The following SH3D19 variants were observed in gnomAD, a reference collection of about 807,000 sequenced individuals.
The protein encoded by SH3D19 is SH3 domain-containing protein 19.
Under a neutral mutation model 112.1 loss-of-function variants are expected in SH3D19, and 58 were observed. That is an observed-to-expected ratio of 0.52 (90% CI 0.42 to 0.64). The LOEUF is 0.64. Ranked by LOEUF, SH3D19 falls within the 30% of genes least tolerant of loss-of-function variation. SH3D19 has a pLI of 0.00. For missense variants in SH3D19, 1,090 were observed against 1,263.4 expected, an observed-to-expected ratio of 0.86 and a Z score of 2.08; for synonymous variants, 391 against 448.5, an observed-to-expected ratio of 0.87 and a Z score of 1.62.
Position 151,121,960 on chromosome 4 carries a change from A to C in SH3D19, c.*131T>G, listed in dbSNP as rs78338147. On this transcript the variant is annotated 3_prime_UTR_variant, in exon 20 of 20. Transcript: ENST00000604030. Reference sequence around the variant, plus strand: ...ATCTGAACGTTTTCTGCTTTCAGAAAATTCTAGTGTACCATGTACAGCTTA... The same window carrying C: ...ATCTGAACGTTTTCTGCTTTCAGAACATTCTAGTGTACCATGTACAGCTTA... The C allele has an allele frequency of 2.3e-3, 1,296 of 555,374 alleles. 9 individuals carry two copies. Among genetic ancestry groups the C allele is most frequent in the African/African-American group, 0.023 (1,218 of 52,266 alleles). The allele number at this position is 555,374 out of a possible 1,614,324, so 34.4% of individuals were successfully genotyped here. A position where few individuals can be genotyped will look rare whatever the true frequency, so the allele number is the denominator to read the frequency against.
At chr4:151,234,714 T>C (rs1441478516) in intron 1 of SH3D19, among the ~76,000 whole-genome samples, 1 of 151,314 alleles carries the variant, frequency 6.6e-6, no homozygotes, top group East Asian at 1.9e-4. Flanking sequence ...TTTTTGGTTT[T>C]TGTTTTCTTT....
At chr4:151,167,851 C>T (rs1758352434) in intron 7 of SH3D19, among the ~76,000 whole-genome samples, 1 of 150,720 alleles carries the variant, frequency 6.6e-6, no homozygotes, top group African/African-American at 2.4e-5. Flanking sequence ...GGCCGCCCCA[C>T]CGTCTGGGAA....
At chr4:151,200,428 C>T (rs1035617529) in intron 2 of SH3D19, among the ~76,000 whole-genome samples, 6 of 152,172 alleles carry the variant, frequency 3.9e-5, no homozygotes, top group Admixed American at 1.3e-4. Flanking sequence ...GTTATACAAA[C>T]TTACAATTAA....
chr4:151,325,157 G>A, intron 1 of SH3D19, 84 bp downstream of exon 1: 1 of 717,388 alleles, frequency 1.4e-6, no homozygotes, highest in Non-Finnish European at 1.9e-6. Flanking sequence ...GCGTGAAGGA[G>A]CTGCCGCTGT....
chr4:151,166,149 C>T (rs985051767), intron 7 of SH3D19: 1 of 153,442 alleles, frequency 6.5e-6, no homozygotes, highest in African/African-American at 2.4e-5. Flanking sequence ...AGTGCTGTGC[C>T]TGGCACAGGG....
chr4:151,155,956 A>G (rs1421976681), intron 9 of SH3D19, among the ~76,000 whole-genome samples: 1 of 152,312 alleles, frequency 6.6e-6, no homozygotes, highest in East Asian at 1.9e-4. Flanking sequence ...CTTAGAATTG[A>G]TAAATGAATT....
At chr4:151,194,497 T>C (rs1348467887) in intron 2 of SH3D19, among the ~76,000 whole-genome samples, 1 of 150,214 alleles carries the variant, frequency 6.7e-6, no homozygotes, top group Non-Finnish European at 1.5e-5. Context: ...CAGACTGATT[T>C]TTCAAACTTT....
chr4:151,249,033 A>C (rs1014785217), intron 1 of SH3D19, among the ~76,000 whole-genome samples: 1 of 152,222 alleles, frequency 6.6e-6, no homozygotes, highest in Non-Finnish European at 1.5e-5. Context: ...ATTTAAGTGC[A>C]TATTGCAAGA....
Position 151,176,628 on chromosome 4 carries a change from T to C in SH3D19, c.435A>G (p.Thr145=). 8.1e-6 allele frequency: 10 copies of C among 1,231,734 alleles called. No individual in the cohort carries two copies. The highest frequency in any genetic ancestry group is 1.0e-5 in the Non-Finnish European group (10 of 987,624). 76.3% of individuals were successfully genotyped at this position (1,231,734 alleles called of 1,614,324 possible). ...GAGTAGCAGCAGCATTATTATTATT[T>C]GTAGTATTAACTTGAACTTGGTTGA... ...KEINQVQVNT[T]NNNNAAATPR... Residue 145 remains threonine (T), a synonymous_variant, in exon 6 of 20, where the codon ACA becomes ACG. Transcript: ENST00000604030.
intron 12 of SH3D19, among the ~76,000 whole-genome samples, chr4:151,143,569 G>C (rs1183567130): frequency 6.6e-6 from 1 of 151,668 alleles, no homozygotes; most frequent in Non-Finnish European, 1.5e-5. Context: ...TAGGATAAAC[G>C]GCAAACCAAG....
intron 1 of SH3D19, among the ~76,000 whole-genome samples, chr4:151,236,156 G>C (rs1368987801): frequency 1.3e-5 from 2 of 152,272 alleles, no homozygotes; most frequent in Non-Finnish European, 2.9e-5. Context: ...CGCTGGAGGA[G>C]CCCTTCAGCC....
At chr4:151,277,894 A>G (rs1426483804) in intron 1 of SH3D19, among the ~76,000 whole-genome samples, 1 of 152,090 alleles carries the variant, frequency 6.6e-6, no homozygotes, top group Admixed American at 6.6e-5. Flanking sequence ...TACAAAAATT[A>G]GCCGGGCGTG....
intron 2 of SH3D19, among the ~76,000 whole-genome samples, chr4:151,199,201 A>G (rs1764026898): frequency 6.6e-6 from 1 of 152,162 alleles, no homozygotes; most frequent in South Asian, 2.1e-4. Context: ...GTTTTAGGAT[A>G]TTATTAATAT....
chr4:151,259,874 C>T (rs181463698), intron 1 of SH3D19, among the ~76,000 whole-genome samples: 5 of 152,158 alleles, frequency 3.3e-5, no homozygotes, highest in African/African-American at 7.2e-5. Flanking sequence ...TTACATTCTC[C>T]CACCCCATTC....
At chr4:151,270,739 A>G (rs187199525) in intron 1 of SH3D19, among the ~76,000 whole-genome samples, 5 of 152,336 alleles carry the variant, frequency 3.3e-5, no homozygotes, top group African/African-American at 7.2e-5. Context: ...CCAACCTAGT[A>G]TAAGTGGTCT....
rs866346308 is a variant in SH3D19 at position 151,318,683 on chromosome 4, A to G, written c.112+6558T>C. The stretch of plus-strand genomic sequence containing the variant: ...ATGGGCTTGGCCATGTTCTAAGGAC[A>G]TTATATACATTAACTCATTTAGTCT... On this transcript the variant is annotated intron_variant, in intron 1 of 19. Coordinates refer to ENST00000604030, the MANE Select transcript of SH3D19 (RefSeq NM_001378122.1). 3.3e-5 allele frequency among the ~76,000 whole-genome samples: 5 copies of G among 152,370 alleles called. No homozygotes were observed. In the South Asian group the frequency reaches 1.0e-3, roughly 32 times the overall value.
At chr4:151,226,780 C>T (rs1437644807) in intron 1 of SH3D19, among the ~76,000 whole-genome samples, 2 of 152,082 alleles carry the variant, frequency 1.3e-5, no homozygotes, top group East Asian at 3.9e-4. Context: ...GTGCAGAGGT[C>T]GAGAAACCCT....
rs73861150 is a variant in SH3D19 at position 151,281,744 on chromosome 4, T to C, written c.112+43497A>G. The stretch of plus-strand genomic sequence containing the variant: ...CTGGCATTTTAACTGTGTATATGTG[T>C]AACTGTGGTTATATTTTGCTTTAAA... On this transcript the variant is annotated intron_variant, in intron 1 of 19. Transcript: ENST00000604030. Among the ~76,000 whole-genome samples, 1,249 of 152,268 alleles carry C rather than the reference T, an allele frequency of 8.2e-3. 16 individuals carry two copies. The highest frequency in any genetic ancestry group is 0.028 in the African/African-American group (1,159 of 41,548).
At chr4:151,310,057 G>C (rs1729291763) in intron 1 of SH3D19, among the ~76,000 whole-genome samples, 1 of 151,834 alleles carries the variant, frequency 6.6e-6, no homozygotes, top group Admixed American at 6.6e-5. Context: ...GCTGAGGCAG[G>C]AGGATAACTA....
Sources: allele counts gnomAD v4.1 joint callset (sites outside exome capture counted in the v4.1 genomes callset), GRCh38; gene constraint gnomAD v4.1.1; transcripts MANE v1.5; gene names NCBI Gene and HGNC (gene_info 2026-07-23, HGNC 2026-07-21).